The following NKAIN3 variants were observed in gnomAD, a reference collection of about 807,000 sequenced individuals.
NKAIN3 encodes sodium/potassium-transporting ATPase subunit beta-1-interacting protein 3.
NKAIN3 carries 25 observed loss-of-function variants against 30.2 expected under a neutral mutation model. The ratio of observed to expected loss-of-function variants is 0.83; its 90% CI spans 0.60 to 1.16. The LOEUF (loss-of-function observed/expected upper bound fraction) is 1.16. Ranked by LOEUF, NKAIN3 falls within the 50% of genes most tolerant of loss-of-function variation. NKAIN3 has a pLI of 0.00. For missense variants in NKAIN3, 225 were observed against 254.1 expected (o/e 0.89, Z 0.78); for synonymous variants, 91 against 89.6 (o/e 1.02, Z -0.09).
chr8:62,436,597 A>T (rs1221971900), intron 1 of NKAIN3, among the ~76,000 whole-genome samples: 1 of 152,190 alleles, frequency 6.6e-6, no homozygotes, highest in African/African-American at 2.4e-5. Context: ...TTAAGTACAT[A>T]ATAAAGTAAT....
At chr8:62,820,240 T>A (rs1468438575) in intron 4 of NKAIN3, among the ~76,000 whole-genome samples, 1 of 151,980 alleles carries the variant, frequency 6.6e-6, no homozygotes, top group Non-Finnish European at 1.5e-5. Context: ...TGATATGGAG[T>A]ATGGAATAAA....
At chr8:62,754,602 C>T (rs1026097555) in intron 4 of NKAIN3, among the ~76,000 whole-genome samples, 9 of 152,148 alleles carry the variant, frequency 5.9e-5, no homozygotes, top group Admixed American at 4.6e-4. Context: ...TCACCATGGT[C>T]GGAGCTGGGG....
intron 1 of NKAIN3, among the ~76,000 whole-genome samples, chr8:62,333,340 T>C (rs1815418736): frequency 6.6e-6 from 1 of 152,116 alleles, no homozygotes; most frequent in African/African-American, 2.4e-5. Flanking sequence ...ATAGCTCAGA[T>C]GAACCTGGTA....
At chr8:62,694,452 A>G (rs929547500) in intron 3 of NKAIN3, among the ~76,000 whole-genome samples, 6 of 152,242 alleles carry the variant, frequency 3.9e-5, no homozygotes, top group African/African-American at 1.4e-4. Flanking sequence ...TAAGCCATTC[A>G]TAGAAGACAA....
At chr8:62,604,952 G>C (rs930207764) in intron 3 of NKAIN3, among the ~76,000 whole-genome samples, 1 of 152,020 alleles carries the variant, frequency 6.6e-6, no homozygotes. Flanking sequence ...GGAAAATCCT[G>C]CTCTCGTCAC....
intron 4 of NKAIN3, chr8:62,864,250 C>T (rs1167258870): frequency 3.4e-6 from 3 of 874,200 alleles, no homozygotes; most frequent in African/African-American, 1.7e-5. Flanking sequence ...TTAGAGGAGG[C>T]GGCCGAGGCA....
At chr8:62,525,236 A>G (rs1002949072) in intron 1 of NKAIN3, among the ~76,000 whole-genome samples, 1 of 151,828 alleles carries the variant, frequency 6.6e-6, no homozygotes, top group Non-Finnish European at 1.5e-5. Context: ...TGCATACTTA[A>G]AAGTGAATTG....
intron 3 of NKAIN3, among the ~76,000 whole-genome samples, chr8:62,609,151 C>T (rs1015607988): frequency 2.0e-5 from 3 of 152,148 alleles, no homozygotes; most frequent in Non-Finnish European, 4.4e-5. Flanking sequence ...AAACTCCCTA[C>T]TTTATTTTTC....
intron 2 of NKAIN3, among the ~76,000 whole-genome samples, chr8:62,581,702 T>G (rs1038274535): frequency 2.6e-5 from 4 of 152,124 alleles, no homozygotes; most frequent in African/African-American, 9.7e-5. Flanking sequence ...TAACCATTCT[T>G]CCTTTTTTCC....
At chr8:62,728,818 G>A (rs1334137161) in intron 3 of NKAIN3, among the ~76,000 whole-genome samples, 5 of 150,378 alleles carry the variant, frequency 3.3e-5, no homozygotes, top group South Asian at 2.1e-4. Context: ...GCAAAACCCC[G>A]TTTTTACTAA....
chr8:62,355,580 T>C (rs1816322378), intron 1 of NKAIN3, among the ~76,000 whole-genome samples: 1 of 152,212 alleles, frequency 6.6e-6, no homozygotes, highest in South Asian at 2.1e-4. Flanking sequence ...TTGTCACCAG[T>C]CTAAATGTAC....
intron 4 of NKAIN3, among the ~76,000 whole-genome samples, chr8:62,839,915 C>T (rs1819479722): frequency 6.6e-6 from 1 of 152,088 alleles, no homozygotes; most frequent in Non-Finnish European, 1.5e-5. Flanking sequence ...ACCCAGCCTG[C>T]CTAAGACATT....
intron 1 of NKAIN3, among the ~76,000 whole-genome samples, chr8:62,315,557 T>G (rs559798157): frequency 1.0e-3 from 154 of 152,132 alleles, no homozygotes; most frequent in African/African-American, 3.6e-3. Context: ...AAAATGTAAA[T>G]GAGAGAAGCA....
At chr8:62,378,891 G>T (rs568616298) in intron 1 of NKAIN3, among the ~76,000 whole-genome samples, 189 of 152,248 alleles carry the variant, frequency 1.2e-3, no homozygotes, top group African/African-American at 4.3e-3. Flanking sequence ...TGAGAAGAGG[G>T]CCATCATCCT....
At chr8:62,519,163 A>G (rs1160755742) in intron 1 of NKAIN3, among the ~76,000 whole-genome samples, 1 of 152,174 alleles carries the variant, frequency 6.6e-6, no homozygotes, top group African/African-American at 2.4e-5. Context: ...AATTCCTGAC[A>G]GTGTTAGCAT....
At chr8:62,829,286 T>C (rs970183049) in intron 4 of NKAIN3, among the ~76,000 whole-genome samples, 3 of 152,184 alleles carry the variant, frequency 2.0e-5, no homozygotes, top group East Asian at 1.9e-4. Context: ...ATCTCTTGAA[T>C]TGGGGATCCA....
At chr8:62,853,661 C>G (rs1819977383) in intron 4 of NKAIN3, among the ~76,000 whole-genome samples, 1 of 152,170 alleles carries the variant, frequency 6.6e-6, no homozygotes. Context: ...AAAAGCAGCT[C>G]CTGGATTTGT....
At chr8:62,620,271 C>T (rs556342097) in intron 3 of NKAIN3, among the ~76,000 whole-genome samples, 3 of 152,162 alleles carry the variant, frequency 2.0e-5, no homozygotes, top group Middle Eastern at 3.4e-3. Flanking sequence ...AGGGTGGGCA[C>T]CTCTCAAATG....
Position 62,289,776 on chromosome 8 carries a change from A to C in NKAIN3, c.54+40649A>C, listed in dbSNP as rs533671767. On this transcript the variant is annotated intron_variant, in intron 1 of 6. Coordinates refer to ENST00000623646, the MANE Select transcript of NKAIN3 (RefSeq NM_001304533.3). ...TAAAGTAGTTTTTTCCAGTTCCATGAAGAAAGTCATTGGTAGCTTGATGGG... is the reference window on the plus strand; with the variant it reads ...TAAAGTAGTTTTTTCCAGTTCCATGCAGAAAGTCATTGGTAGCTTGATGGG... 2.0e-5 allele frequency among the ~76,000 whole-genome samples: 3 copies of C among 152,332 alleles called. No homozygotes were observed. In the East Asian group the frequency reaches 5.8e-4, roughly 29 times the overall value.
Sources: gnomAD v4.1 joint callset for allele counts (sites outside exome capture counted in the v4.1 genomes callset) on GRCh38, gnomAD v4.1.1 for gene constraint, MANE v1.5 for transcripts, NCBI Gene and HGNC (gene_info 2026-07-23, HGNC 2026-07-21) for gene names.